The following SPEN variants were observed in gnomAD, a reference collection of about 807,000 sequenced individuals.
SPEN encodes spen family transcriptional repressor.
Under a neutral mutation model 269.9 loss-of-function variants are expected in SPEN, and 18 were observed. The ratio of observed to expected loss-of-function variants is 0.07; its 90% CI spans 0.05 to 0.10. The LOEUF (loss-of-function observed/expected upper bound fraction) is 0.10, where lower values mean the gene tolerates loss of function less well. Among genes scored for constraint, SPEN ranks in the 10% least tolerant of loss-of-function variants. The pLI is 1.00. For missense variants in SPEN, 3,822 were observed against 4,631.2 expected (o/e 0.83, Z 5.07); for synonymous variants, 1,726 against 1,765.7 (o/e 0.98, Z 0.56).
intron 3 of SPEN, among the ~76,000 whole-genome samples, chr1:15,880,108 C>T (rs940246378): frequency 2.6e-5 from 4 of 152,002 alleles, no homozygotes; most frequent in African/African-American, 9.7e-5. Flanking sequence ...ACTGTAGGAC[C>T]ATACCTGACA....
chr1:15,883,465 A>C (rs758080069), intron 3 of SPEN, among the ~76,000 whole-genome samples: 3 of 151,974 alleles, frequency 2.0e-5, no homozygotes, highest in Admixed American at 6.6e-5. Flanking sequence ...GTTGTTGCCC[A>C]GGCTAGAGTG....
At chr1:15,882,433 G>A (rs6687759) in intron 3 of SPEN, among the ~76,000 whole-genome samples, 13,709 of 152,066 alleles carry the variant, frequency 0.09, 739 homozygotes, top group African/African-American at 0.14. Flanking sequence ...AGGTTGAGGC[G>A]GGTAGATCAT....
At chr1:15,895,217 C>G (rs114741562) in intron 3 of SPEN, among the ~76,000 whole-genome samples, 23 of 152,314 alleles carry the variant, frequency 1.5e-4, no homozygotes, top group African/African-American at 5.5e-4. Context: ...CCACCCATTC[C>G]TGGCCTCATT....
rs1196585070 is a variant in SPEN, at chr1:15,933,438, T to A, written c.7198T>A (p.Ser2400Thr). Reference protein sequence around the residue: ...PHSTPPQSCTSDLSKIPSTEN... With the variant: ...PHSTPPQSCTTDLSKIPSTEN... ...TTCCACTCCTCCTCAGTCATGTACT[T>A]CTGACCTAAGCAAGATTCCCTCCAC... The change falls in exon 11 of 15, where the codon TCT becomes ACT. Residue 2400 changes from serine (S) to threonine (T), a missense_variant. Physicochemically the swap from Ser to Thr is moderately conservative, Grantham distance 58. Coordinates refer to ENST00000375759, the MANE Select transcript of SPEN (RefSeq NM_015001.3). This position sits in a 1 kb window ranked among gnomAD's most constrained non-coding sequence, Gnocchi z 5.7. 6.2e-7 allele frequency: 1 copy of A among 1,614,026 alleles called. No homozygotes were observed. The highest frequency in any genetic ancestry group is 1.1e-5 in the South Asian group (1 of 91,072).
rs953197124 is a variant in SPEN, at chr1:15,930,333, C to T, written c.4093C>T (p.Leu1365Phe). Reference sequence around the variant, plus strand: ...AAACAGCATAATTAAGAGAGATAGCCTTCGAAAAAGGTCTGTACGAGATCT... The same window carrying T: ...AAACAGCATAATTAAGAGAGATAGCTTTCGAAAAAGGTCTGTACGAGATCT... ...FPNSIIKRDS[L>F]RKRSVRDLEP... Residue 1365 changes from leucine to phenylalanine, a missense_variant, in exon 11 of 15, where the codon CTT becomes TTT. This residue lies in a region of SPEN where 267 missense variants were observed against 315.5 expected (regional missense o/e 0.85). Coordinates refer to ENST00000375759, the MANE Select transcript of SPEN (RefSeq NM_015001.3). This position sits in a 1 kb window ranked among gnomAD's most constrained non-coding sequence, Gnocchi z 5.3. 6.2e-7 allele frequency: 1 copy of T among 1,613,620 alleles called. No homozygotes were observed. The highest frequency in any genetic ancestry group is 1.3e-5 in the African/African-American group (1 of 74,910).
rs2071268793 is a variant in SPEN at position 15,935,810 on chromosome 1, T to C, written c.9570T>C (p.Thr3190=). ...CTGAGTACCGACTGCACCCCTATAC[T>C]GTGCCACGGGATGTGAGGATCATGG... is the stretch of plus-strand genomic sequence containing the variant. ...MQSEYRLHPY[T]VPRDVRIMVH... Residue 3190 remains threonine (T), a synonymous_variant, in exon 11 of 15, where the codon ACT becomes ACC. Transcript: ENST00000375759. The surrounding 1 kb of genome is among the most constrained non-coding windows in gnomAD (Gnocchi z 7.7). 6.2e-7 allele frequency: 1 copy of C among 1,613,844 alleles called. No homozygotes were observed. The highest frequency in any genetic ancestry group is 1.1e-5 in the South Asian group (1 of 91,084).
intron 1 of SPEN, among the ~76,000 whole-genome samples, chr1:15,850,599 T>C (rs2070326218): frequency 6.6e-6 from 1 of 152,202 alleles, no homozygotes; most frequent in Admixed American, 6.6e-5. Flanking sequence ...TCTTTCTGCA[T>C]GTACAAGAAA....
intron 1 of SPEN, among the ~76,000 whole-genome samples, chr1:15,853,181 T>C (rs1336325863): frequency 6.6e-6 from 1 of 151,974 alleles, no homozygotes; most frequent in Non-Finnish European, 1.5e-5. Flanking sequence ...TCATTATTTT[T>C]TTATTTTTAT....
At chr1:15,868,438 CT>C (rs35701730) in intron 1 of SPEN, among the ~76,000 whole-genome samples, 168 of 141,892 alleles carry the variant, frequency 1.2e-3, no homozygotes, top group Middle Eastern at 3.6e-3. Context: ...TAGAATAAAA[CT>C]TTTTTTTTTT....
chr1:15,938,564 GCT>G (rs1491258028), intron 13 of SPEN, 152 bp from the exon 14 acceptor site: 1 of 527,430 alleles, frequency 1.9e-6, no homozygotes, highest in Non-Finnish European at 3.0e-6. Flanking sequence ...TTGAAAAAAA[GCT>G]TTTTTTTTTT....
rs928902287 is a variant in SPEN at position 15,873,831 on chromosome 1, A to G, written c.404+695A>G. On this transcript the variant is annotated intron_variant, in intron 2 of 14. Transcript: ENST00000375759. ...TCCTGGAATATAGCCATTCTTTTCT[A>G]ATTGCTGGGATATATGGGATGTCTT... is the stretch of plus-strand genomic sequence containing the variant. 4.8e-5 allele frequency: 50 copies of G among 1,035,336 alleles called. No homozygotes were observed. In the Admixed American group the frequency reaches 1.0e-3, roughly 21 times the overall value. 64.1% of individuals were successfully genotyped at this position (1,035,336 alleles called of 1,614,324 possible). A position where few individuals can be genotyped will look rare whatever the true frequency, so the allele number is the denominator to read the frequency against.
chr1:15,918,831 G>A (rs967896562), intron 6 of SPEN, 95 bp from the exon 7 acceptor site: 1 of 1,023,038 alleles, frequency 9.8e-7, no homozygotes, highest in Non-Finnish European at 1.4e-6. Flanking sequence ...TTGAGAACAT[G>A]ACTTTTTTGA....
chr1:15,940,326 C>G lies in SPEN; in HGVS notation c.*899C>G, dbSNP rs1488166906. 1.7e-5 allele frequency: 4 copies of G among 233,114 alleles called. No homozygotes were observed. Among genetic ancestry groups the G allele is most frequent in the Non-Finnish European group, 1.7e-5 (2 of 117,812 alleles). The allele number at this position is 233,114 out of a possible 1,614,324, so 14.4% of individuals were successfully genotyped here. On this transcript the variant is annotated 3_prime_UTR_variant, in exon 15 of 15. Coordinates refer to ENST00000375759, the MANE Select transcript of SPEN (RefSeq NM_015001.3). ...ACCTGTACAAAAAGACTGGCTAACC[C>G]CTCTTCCTATTACCTTGATCTCTTC...
chr1:15,860,785 A>G (rs1395937433), intron 1 of SPEN, among the ~76,000 whole-genome samples: 2 of 151,634 alleles, frequency 1.3e-5, no homozygotes, highest in Non-Finnish European at 2.9e-5. Flanking sequence ...GTATTTTAGT[A>G]GAGACGGGGT....
intron 3 of SPEN, among the ~76,000 whole-genome samples, chr1:15,904,452 CAAAA>C (rs1215369183): frequency 0.14 from 6,756 of 48,246 alleles, 221 homozygotes; most frequent in Non-Finnish European, 0.15. Context: ...AACTCCATCT[CAAAA>C]AAAAAAAAAA....
rs186070679 is a variant in SPEN at position 15,865,242 on chromosome 1, G to A, written c.84-7574G>A. Among the ~76,000 whole-genome samples, 972 of 151,712 alleles carry A rather than the reference G, an allele frequency of 6.4e-3. 8 individuals are homozygous for A. Among genetic ancestry groups the A allele is most frequent in the Middle Eastern group, 0.02 (6 of 294 alleles). On this transcript the variant is annotated intron_variant, in intron 1 of 14. Coordinates refer to ENST00000375759, the MANE Select transcript of SPEN (RefSeq NM_015001.3). Reference sequence around the variant, plus strand: ...AAATTTTGTATTTTAGTAGAGACGGGATTTCACCGTCTTGCTCCCAGACTG... The same window carrying A: ...AAATTTTGTATTTTAGTAGAGACGGAATTTCACCGTCTTGCTCCCAGACTG...
chr1:15,935,362 A>T lies in SPEN; in HGVS notation c.9122A>T (p.His3041Leu). Residue 3041 changes from histidine (H) to leucine (L), a missense_variant, in exon 11 of 15, where the codon CAC (histidine) becomes CTC (leucine). Physicochemically the swap from His to Leu is moderately conservative, Grantham distance 99. Around this residue, in one of 16 missense-constraint regions of SPEN, gnomAD observed 153 missense variants for 228.5 expected, o/e 0.67. Transcript: ENST00000375759. This position sits in a 1 kb window ranked among gnomAD's most constrained non-coding sequence, Gnocchi z 7.7. ...PGPSSFPRASHPSSTASTALS... is the reference protein window; with the variant it reads ...PGPSSFPRASLPSSTASTALS... ...CCATCCTCATTCCCAAGGGCAAGCC[A>T]CCCCAGCAGTACTGCATCTACGGCG... 6.2e-7 allele frequency: 1 copy of T among 1,613,914 alleles called. No homozygotes were observed. The highest frequency in any genetic ancestry group is 1.1e-5 in the South Asian group (1 of 91,066).
At position 15,919,534 on chromosome 1, in the gene SPEN, G is replaced by A; in HGVS notation, c.1635+17G>A. The A allele has an allele frequency of 6.5e-7, 1 of 1,534,256 alleles. No individual in the cohort carries two copies. Among genetic ancestry groups the A allele is most frequent in the Non-Finnish European group, 8.9e-7 (1 of 1,129,024 alleles). ...GTGGTAAAGGTAGGCGGGAGGTTTT[G>A]GTATGTGGTTCAGACTTCTGACTCA... On this transcript the variant is annotated intron_variant, in intron 8 of 14. Coordinates refer to ENST00000375759, the MANE Select transcript of SPEN (RefSeq NM_015001.3).
At chr1:15,911,053 A>G (rs762312413) in intron 4 of SPEN, 48 bp from the exon 5 acceptor site, 9 of 1,471,972 alleles carry the variant, frequency 6.1e-6, no homozygotes, top group Admixed American at 2.0e-5. Context: ...TTATTTAGTT[A>G]TAATTAAATT....
Sources: gnomAD v4.1 joint callset for allele counts (sites outside exome capture counted in the v4.1 genomes callset) on GRCh38, gnomAD v4.1.1 for gene constraint, gnomAD v4.1.1 regional missense constraint, Gnocchi (gnomAD v3.1) non-coding constraint, MANE v1.5 for transcripts, NCBI Gene and HGNC (gene_info 2026-07-23, HGNC 2026-07-21) for gene names.